The following STK32B variants were observed in gnomAD, a reference collection of about 807,000 sequenced individuals.
The protein encoded by STK32B is serine/threonine kinase 32B.
In STK32B, 43 loss-of-function variants were observed where a neutral mutation model predicts 52.6. The observed-to-expected ratio is 0.82, with a 90% CI of 0.64 to 1.05. The LOEUF is 1.05. STK32B is among the 50% of genes least tolerant of loss of function. The probability of loss-of-function intolerance (pLI) is 0.00; values close to 1 mark genes in which losing one functional copy is unlikely to be tolerated. For synonymous variants in STK32B, 238 were observed against 204.3 expected, an observed-to-expected ratio of 1.17 and a Z score of -1.41; for missense variants, 621 against 534.6, an observed-to-expected ratio of 1.16 and a Z score of -1.59.
At chr4:5,233,813 C>T (rs1039189355) in intron 3 of STK32B, among the ~76,000 whole-genome samples, 93 of 151,408 alleles carry the variant, frequency 6.1e-4, no homozygotes, top group African/African-American at 2.2e-3. Flanking sequence ...TGGAGGTTGG[C>T]AAGTGGCAGA....
intron 3 of STK32B, among the ~76,000 whole-genome samples, chr4:5,178,822 A>G (rs1382564527): frequency 6.6e-6 from 1 of 152,146 alleles, no homozygotes; most frequent in Non-Finnish European, 1.5e-5. Flanking sequence ...TGCCCATATC[A>G]CTATCAGCAT....
At position 5,106,157 on chromosome 4, in the gene STK32B, C is replaced by T. The variant is rs181302510; in HGVS notation, c.53-33748C>T. 1.7e-3 allele frequency among the ~76,000 whole-genome samples: 256 copies of T among 152,024 alleles called. 1 individual carries two copies. Among genetic ancestry groups the T allele is most frequent in the Non-Finnish European group, 3.3e-3 (224 of 67,986 alleles). ...ACCTCTGCTAAAAAAGAAAAAATTG[C>T]TGGGCATGGTGGTGTGTGCCTGTGA... On this transcript the variant is annotated intron_variant, in intron 1 of 11. Transcript: ENST00000282908.
intron 3 of STK32B, among the ~76,000 whole-genome samples, chr4:5,203,551 C>T (rs553233831): frequency 1.1e-4 from 16 of 152,206 alleles, no homozygotes; most frequent in African/African-American, 3.6e-4. Flanking sequence ...AGGGGTTGGG[C>T]CCTGCTTTTG....
chr4:5,242,497 G>A (rs1490319966), intron 3 of STK32B, among the ~76,000 whole-genome samples: 1 of 152,084 alleles, frequency 6.6e-6, no homozygotes, highest in African/African-American at 2.4e-5. Context: ...AGATGAGTAG[G>A]TTGCAAAAAT....
At chr4:5,440,588 C>A (rs1229901039) in intron 6 of STK32B, among the ~76,000 whole-genome samples, 2 of 152,128 alleles carry the variant, frequency 1.3e-5, no homozygotes, top group African/African-American at 4.8e-5. Flanking sequence ...TAATTGAATA[C>A]CCTTTATTTC....
At chr4:5,292,810 C>T (rs1444854920) in intron 3 of STK32B, among the ~76,000 whole-genome samples, 1 of 151,852 alleles carries the variant, frequency 6.6e-6, no homozygotes, top group Non-Finnish European at 1.5e-5. Context: ...TTCTGGGATA[C>T]ATGTGCAGAA....
At chr4:5,052,449 A>T (rs1165929553) in intron 1 of STK32B, among the ~76,000 whole-genome samples, 1 of 152,004 alleles carries the variant, frequency 6.6e-6, no homozygotes, top group Admixed American at 6.6e-5. Flanking sequence ...GGTTCCTAGG[A>T]GGGCGTCCTG....
At chr4:5,485,216 T>C (rs1042820427) in intron 11 of STK32B, among the ~76,000 whole-genome samples, 2 of 152,170 alleles carry the variant, frequency 1.3e-5, no homozygotes, top group African/African-American at 2.4e-5. Flanking sequence ...CCCGTCACTT[T>C]CAGGTACACC....
intron 1 of STK32B, among the ~76,000 whole-genome samples, chr4:5,134,920 T>A (rs1347071498): frequency 1.3e-5 from 2 of 152,234 alleles, no homozygotes; most frequent in African/African-American, 4.8e-5. Flanking sequence ...GCTGTTTGAA[T>A]AAACAGCTTC....
intron 2 of STK32B, among the ~76,000 whole-genome samples, chr4:5,166,382 T>G (rs1718872127): frequency 6.6e-6 from 1 of 151,086 alleles, no homozygotes; most frequent in Non-Finnish European, 1.5e-5. Context: ...TGGAACGGTG[T>G]CCCACCCCTC....
chr4:5,446,556 C>G (rs1395692965), intron 6 of STK32B, 117 bp from the exon 7 acceptor site: 4 of 815,952 alleles, frequency 4.9e-6, no homozygotes, highest in Non-Finnish European at 7.4e-6. Context: ...AACTCTATCT[C>G]AAAAAAAAAC....
intron 2 of STK32B, among the ~76,000 whole-genome samples, chr4:5,155,635 C>T (rs181284747): frequency 2.0e-5 from 3 of 152,074 alleles, no homozygotes; most frequent in Non-Finnish European, 4.4e-5. Flanking sequence ...TTCCTGGGGG[C>T]GGTTTCCCCC....
chr4:5,262,409 A>T (rs1312447169), intron 3 of STK32B, among the ~76,000 whole-genome samples: 1 of 151,908 alleles, frequency 6.6e-6, no homozygotes, highest in Non-Finnish European at 1.5e-5. Context: ...GGCGGATCAC[A>T]AGGTCAGGAG....
intron 3 of STK32B, among the ~76,000 whole-genome samples, chr4:5,242,909 A>C (rs1252660158): frequency 6.6e-6 from 1 of 152,108 alleles, no homozygotes; most frequent in African/African-American, 2.4e-5. Context: ...ATTATTTCTG[A>C]GGCCTCTGTT....
At chr4:5,492,739 A>T (rs948606197) in intron 11 of STK32B, among the ~76,000 whole-genome samples, 1 of 151,358 alleles carries the variant, frequency 6.6e-6, no homozygotes, top group Non-Finnish European at 1.5e-5. Context: ...TACTATTTTG[A>T]GATACGTCCC....
chr4:5,251,220 G>T (rs1725906383), intron 3 of STK32B, among the ~76,000 whole-genome samples: 1 of 152,162 alleles, frequency 6.6e-6, no homozygotes, highest in Admixed American at 6.5e-5. Context: ...AATCCATCTT[G>T]TGTTGGTTTT....
At position 5,460,060 on chromosome 4, in the gene STK32B, G is replaced by C. The variant is rs780396703; in HGVS notation, c.784-43G>C. ...CCTTCAGAGTCCCCGCTAACCTTGA[G>C]GGATGCCCAATTCATGGAAACTCAT... On this transcript the variant is annotated intron_variant, in intron 8 of 11. Coordinates refer to ENST00000282908, the MANE Select transcript of STK32B (RefSeq NM_018401.3). This position sits in a 1 kb window ranked among gnomAD's most constrained non-coding sequence, Gnocchi z 4.8. 2.4e-5 allele frequency: 39 copies of C among 1,614,096 alleles called. No individual in the cohort carries two copies. The South Asian group carries it at 2.5e-4, about 10-fold the overall frequency.
intron 6 of STK32B, among the ~76,000 whole-genome samples, chr4:5,429,087 T>G (rs1713340975): frequency 6.6e-6 from 1 of 152,216 alleles, no homozygotes; most frequent in South Asian, 2.1e-4. Flanking sequence ...AACACAGAGT[T>G]GGGAAGAGAT....
intron 3 of STK32B, among the ~76,000 whole-genome samples, chr4:5,245,017 T>C (rs1380502203): frequency 1.3e-5 from 2 of 152,064 alleles, no homozygotes; most frequent in East Asian, 1.9e-4. Context: ...AATTTTGGAA[T>C]AGGTGTGGTG....
Sources: allele counts gnomAD v4.1 joint callset (sites outside exome capture counted in the v4.1 genomes callset), GRCh38; gene constraint gnomAD v4.1.1; non-coding constraint Gnocchi (gnomAD v3.1); transcripts MANE v1.5; gene names NCBI Gene and HGNC (gene_info 2026-07-23, HGNC 2026-07-21).